Variants in ADAMTS14 observed in about 807,000 individuals in gnomAD.
ADAMTS14 encodes the protein A disintegrin and metalloproteinase with thrombospondin motifs 14.
Under a neutral mutation model 128.6 loss-of-function variants are expected in ADAMTS14, and 100 were observed. The observed-to-expected ratio is 0.78, with a 90% CI of 0.66 to 0.92. The LOEUF (loss-of-function observed/expected upper bound fraction) is 0.92. ADAMTS14 is among the 40% of genes least tolerant of loss of function. ADAMTS14 has a pLI of 0.00. For missense variants in ADAMTS14, 1,562 were observed against 1,658.6 expected (o/e 0.94, Z 1.01); for synonymous variants, 665 against 653.8 (o/e 1.02, Z -0.26).
intron 2 of ADAMTS14, among the ~76,000 whole-genome samples, chr10:70,696,460 T>C (rs1306977406): frequency 1.3e-5 from 2 of 152,074 alleles, no homozygotes; most frequent in Admixed American, 6.5e-5. Flanking sequence ...TTCATGCTCA[T>C]GTGAGGTGAG....
intron 19 of ADAMTS14, among the ~76,000 whole-genome samples, chr10:70,756,586 G>C (rs962236726): frequency 2.9e-4 from 44 of 152,170 alleles, no homozygotes; most frequent in African/African-American, 9.9e-4. Flanking sequence ...GAAAGGTTGG[G>C]GGTTTTATTA....
At chr10:70,719,367 T>TACACACACAC (rs61607600) in intron 4 of ADAMTS14, among the ~76,000 whole-genome samples, 8 of 142,220 alleles carry the variant, frequency 5.6e-5, no homozygotes, top group African/African-American at 1.6e-4. Context: ...ACTCCACAAA[T>TACACACACAC]ACACACACAC....
At chr10:70,729,973 T>G in intron 5 of ADAMTS14, 129 bp from the exon 6 acceptor site, 5 of 1,095,400 alleles carry the variant, frequency 4.6e-6, no homozygotes, top group Non-Finnish European at 6.3e-6. Context: ...GGACAGCTGG[T>G]GATCTTGGGG....
intron 6 of ADAMTS14, among the ~76,000 whole-genome samples, chr10:70,731,556 C>G (rs903909559): frequency 3.3e-5 from 5 of 152,192 alleles, no homozygotes; most frequent in South Asian, 4.1e-4. Context: ...TGCCGGCCCC[C>G]CTGCACTGCC....
chr10:70,730,817 T>C (rs1178575888), intron 6 of ADAMTS14, among the ~76,000 whole-genome samples: 1 of 152,090 alleles, frequency 6.6e-6, no homozygotes, highest in Non-Finnish European at 1.5e-5. Context: ...TATTGACAAT[T>C]GTAAATACTC....
chr10:70,743,225 A>G (rs950604721), intron 12 of ADAMTS14, among the ~76,000 whole-genome samples: 4 of 152,258 alleles, frequency 2.6e-5, no homozygotes, highest in Non-Finnish European at 4.4e-5. Flanking sequence ...TTTTAGAAAT[A>G]TCTAGTACAT....
At chr10:70,679,778 C>T (rs1206549717) in intron 2 of ADAMTS14, among the ~76,000 whole-genome samples, 1 of 152,236 alleles carries the variant, frequency 6.6e-6, no homozygotes, top group African/African-American at 2.4e-5. Flanking sequence ...GTTTTCCACT[C>T]TCTGCAGATC....
intron 9 of ADAMTS14, among the ~76,000 whole-genome samples, chr10:70,736,306 T>G (rs921504568): frequency 6.6e-6 from 1 of 152,120 alleles, no homozygotes; most frequent in African/African-American, 2.4e-5. Flanking sequence ...AGCAGTCCCC[T>G]TAATTCTCCC....
Position 70,690,170 on chromosome 10 carries a change from G to A in ADAMTS14, c.523-12142G>A, listed in dbSNP as rs192803372. Among the ~76,000 whole-genome samples, 505 of 144,046 alleles carry A rather than the reference G, an allele frequency of 3.5e-3. 72 individuals carry two copies. The highest frequency in any genetic ancestry group is 5.4e-3 in the Non-Finnish European group (338 of 63,050). The allele number at this position is 144,046 out of a possible 152,430, so 94.5% of individuals were successfully genotyped here. Reference sequence around the variant, plus strand: ...GGAGAAGCAAGTTACAGAGACATAGGTGAACATGTGAAGGGAGGGGGTCTG... The same window carrying A: ...GGAGAAGCAAGTTACAGAGACATAGATGAACATGTGAAGGGAGGGGGTCTG... On this transcript the variant is annotated intron_variant, in intron 2 of 21. Transcript: ENST00000373207.
At chr10:70,688,905 G>C (rs113771451) in intron 2 of ADAMTS14, among the ~76,000 whole-genome samples, 4 of 47,570 alleles carry the variant, frequency 8.4e-5, no homozygotes, top group African/African-American at 8.3e-5. Context: ...GGGAGAGGGA[G>C]AGCCTTTGCT....
At chr10:70,695,168 T>A (rs1193386745) in intron 2 of ADAMTS14, among the ~76,000 whole-genome samples, 1 of 152,180 alleles carries the variant, frequency 6.6e-6, no homozygotes, top group African/African-American at 2.4e-5. Context: ...TGGAGAAACG[T>A]CTGTTCAGAT....
chr10:70,760,739 G>T lies in ADAMTS14; in HGVS notation c.3558G>T (p.Gly1186=), dbSNP rs774754628. The T allele has an allele frequency of 1.9e-6, 3 of 1,613,964 alleles. No homozygotes were observed. Among genetic ancestry groups the T allele is most frequent in the Non-Finnish European group, 1.7e-6 (2 of 1,179,978 alleles). Residue 1186 remains glycine, a synonymous_variant, in exon 22 of 22, where the codon GGG becomes GGT. Coordinates refer to ENST00000373207, the MANE Select transcript of ADAMTS14 (RefSeq NM_080722.4). The stretch of plus-strand genomic sequence containing the variant: ...GCATCTCCCCTACCACCCCCGGGGG[G>T]CTGCCTTGGGGCTGGACTCAGACAC... ...SWSISPTTPG[G]LPWGWTQTPT...
intron 3 of ADAMTS14, among the ~76,000 whole-genome samples, chr10:70,702,706 G>A (rs956654350): frequency 6.6e-6 from 1 of 152,182 alleles, no homozygotes; most frequent in African/African-American, 2.4e-5. Context: ...TGGTCCCTGG[G>A]ACTCCAGAGG....
chr10:70,697,133 G>A (rs2132581261), intron 2 of ADAMTS14, among the ~76,000 whole-genome samples: 1 of 152,356 alleles, frequency 6.6e-6, no homozygotes, highest in African/African-American at 2.4e-5. Flanking sequence ...GTGATTGGCT[G>A]AGAGGTGGCC....
rs1299105942 is a variant in ADAMTS14 at position 70,727,076 on chromosome 10, G to C, written c.871-2218G>C. ...GGCCCATGGCTGAAGCCTGACACCG[G>C]CTGCTCTGAAGTCTGCCCATTCATG... is the stretch of plus-strand genomic sequence containing the variant. On this transcript the variant is annotated intron_variant, in intron 4 of 21. Coordinates refer to ENST00000373207, the MANE Select transcript of ADAMTS14 (RefSeq NM_080722.4). Among the ~76,000 whole-genome samples the C allele has an allele frequency of 3.3e-5, 5 of 152,356 alleles. No homozygotes were observed. The South Asian group carries it at 1.0e-3, about 32-fold the overall frequency.
At chr10:70,699,124 C>T (rs1219244634) in intron 2 of ADAMTS14, among the ~76,000 whole-genome samples, 1 of 152,148 alleles carries the variant, frequency 6.6e-6, no homozygotes, top group Non-Finnish European at 1.5e-5. Flanking sequence ...GCCATGTTTT[C>T]TTGCTCCAAG....
chr10:70,673,931 A>G (rs1839561230), intron 1 of ADAMTS14, among the ~76,000 whole-genome samples: 1 of 152,170 alleles, frequency 6.6e-6, no homozygotes. Context: ...TTGAAGATCT[A>G]TATTTATCCA....
At position 70,741,067 on chromosome 10, in the gene ADAMTS14, A is replaced by G; in HGVS notation, c.1829A>G (p.Tyr610Cys). 1 of 1,614,126 alleles carries G rather than the reference A, an allele frequency of 6.2e-7. No homozygotes were observed. The highest frequency in any genetic ancestry group is 8.5e-7 in the Non-Finnish European group (1 of 1,180,034). Residue 610 changes from tyrosine to cysteine, a missense_variant, in exon 12 of 22, where the codon TAC (tyrosine) becomes TGC (cysteine). By Grantham distance (194) the Tyr-to-Cys change is radical. Transcript: ENST00000373207. ...AACAGCGAGGAGTGCCCTGGGACCT[A>G]CGAGGACTTCCGGGCCCAGCAGTGT... The part of the protein sequence containing the change: ...VCNSEECPGT[Y>C]EDFRAQQCAK...
chr10:70,710,584 A>G (rs1283807675), intron 4 of ADAMTS14, among the ~76,000 whole-genome samples: 1 of 152,236 alleles, frequency 6.6e-6, no homozygotes, highest in African/African-American at 2.4e-5. Flanking sequence ...TGATTGTGCT[A>G]CGGCACTAAG....
Sources: gnomAD v4.1 joint callset for allele counts (sites outside exome capture counted in the v4.1 genomes callset) on GRCh38, gnomAD v4.1.1 for gene constraint, MANE v1.5 for transcripts, NCBI Gene and HGNC (gene_info 2026-07-23, HGNC 2026-07-21) for gene names.